Variants in TNR observed in about 807,000 individuals in gnomAD.
TNR encodes tenascin R.
A neutral mutation model predicts 150.4 loss-of-function variants in TNR; 45 were observed. The ratio of observed to expected loss-of-function variants is 0.30; its 90% CI spans 0.24 to 0.38. The LOEUF is 0.38. Among genes scored for constraint, TNR ranks in the 10% least tolerant of loss-of-function variants. The probability of loss-of-function intolerance (pLI) is 1.00; values close to 1 mark genes in which losing one functional copy is unlikely to be tolerated. For missense variants in TNR, 1,544 were observed against 1,759.1 expected, an observed-to-expected ratio of 0.88 and a Z score of 2.19; for synonymous variants, 687 against 678.4, an observed-to-expected ratio of 1.01 and a Z score of -0.20.
chr1:175,660,522 T>G (rs895430142), intron 1 of TNR, among the ~76,000 whole-genome samples: 1 of 152,240 alleles, frequency 6.6e-6, no homozygotes, highest in Non-Finnish European at 1.5e-5. Flanking sequence ...TAAAATGCCC[T>G]GTATAGCTCT....
intron 1 of TNR, among the ~76,000 whole-genome samples, chr1:175,647,514 G>A (rs1382514680): frequency 6.6e-6 from 1 of 151,874 alleles, no homozygotes; most frequent in African/African-American, 2.4e-5. Flanking sequence ...GGGAAGAGGG[G>A]AAGCTGGAGG....
rs184858190 is a variant in TNR, at chr1:175,684,251, C to T, written c.-165+58975G>A. Among the ~76,000 whole-genome samples, 4 of 152,230 alleles carry T rather than the reference C, an allele frequency of 2.6e-5. No individual in the cohort carries two copies. In the East Asian group the frequency reaches 7.7e-4, roughly 29 times the overall value. ...TCGTTCAACAAAATATATTGAGCTT[C>T]GACTGTCTCAGGCCCTGTGTTAGGT... On this transcript the variant is annotated intron_variant, in intron 1 of 22. Transcript: ENST00000367674.
intron 1 of TNR, among the ~76,000 whole-genome samples, chr1:175,660,646 C>G (rs77365050): frequency 1.2e-3 from 187 of 152,186 alleles, no homozygotes; most frequent in Non-Finnish European, 2.0e-3. Context: ...CAAAAAATAC[C>G]CAGAATTATC....
intron 1 of TNR, among the ~76,000 whole-genome samples, chr1:175,638,596 A>T (rs1417227129): frequency 6.6e-6 from 1 of 152,218 alleles, no homozygotes; most frequent in Non-Finnish European, 1.5e-5. Context: ...GGTTGCAGAT[A>T]ACAAGGGCCT....
chr1:175,508,632 A>C (rs1461204257), intron 2 of TNR, among the ~76,000 whole-genome samples: 4 of 152,230 alleles, frequency 2.6e-5, no homozygotes, highest in Non-Finnish European at 5.9e-5. Flanking sequence ...CATGATGAGA[A>C]GAGGCCCTCG....
chr1:175,620,252 C>T (rs955659178), intron 1 of TNR, among the ~76,000 whole-genome samples: 4 of 152,198 alleles, frequency 2.6e-5, no homozygotes, highest in African/African-American at 9.7e-5. Flanking sequence ...TGAGTGTGCA[C>T]TTTCAGCTAG....
At chr1:175,457,926 C>T (rs1273421433) in intron 2 of TNR, among the ~76,000 whole-genome samples, 3 of 152,200 alleles carry the variant, frequency 2.0e-5, no homozygotes, top group Non-Finnish European at 4.4e-5. Flanking sequence ...CTGGCAAACG[C>T]CAGAGTTGTT....
chr1:175,459,209 A>T (rs1325734322), intron 2 of TNR, among the ~76,000 whole-genome samples: 2 of 149,804 alleles, frequency 1.3e-5, no homozygotes, highest in Non-Finnish European at 3.0e-5. Flanking sequence ...CACCATCACC[A>T]CCATTCCCTC....
chr1:175,382,136 T>C (rs1652712603), intron 8 of TNR, among the ~76,000 whole-genome samples: 1 of 152,190 alleles, frequency 6.6e-6, no homozygotes, highest in African/African-American at 2.4e-5. Flanking sequence ...ATCAAAATAA[T>C]TTTGGGTGTT....
chr1:175,613,246 G>GAGAGCAAAA (rs1663653528), intron 1 of TNR, among the ~76,000 whole-genome samples: 4 of 152,242 alleles, frequency 2.6e-5, no homozygotes, highest in Non-Finnish European at 5.9e-5. Flanking sequence ...CTGAGTCTCT[G>GAGAGCAAAA]TAGCTAGGTC....
intron 1 of TNR, among the ~76,000 whole-genome samples, chr1:175,675,071 C>T (rs747286111): frequency 6.6e-6 from 1 of 152,144 alleles, no homozygotes; most frequent in Non-Finnish European, 1.5e-5. Context: ...GAGGTGGGGA[C>T]TCTGACATAT....
At chr1:175,343,415 A>T (rs1042954876) in intron 18 of TNR, among the ~76,000 whole-genome samples, 1 of 152,148 alleles carries the variant, frequency 6.6e-6, no homozygotes, top group African/African-American at 2.4e-5. Flanking sequence ...AGGTAAAGAG[A>T]CACCTGTTCT....
At chr1:175,393,249 T>C (rs1653261522) in intron 6 of TNR, among the ~76,000 whole-genome samples, 1 of 152,210 alleles carries the variant, frequency 6.6e-6, no homozygotes, top group Non-Finnish European at 1.5e-5. Context: ...AAAAAGTTGC[T>C]AAATTAATAG....
At chr1:175,538,384 G>T (rs185690471) in intron 1 of TNR, among the ~76,000 whole-genome samples, 2 of 152,212 alleles carry the variant, frequency 1.3e-5, no homozygotes, top group East Asian at 1.9e-4. Flanking sequence ...CTTACAGTTC[G>T]TTCCCAAATA....
At chr1:175,552,122 GT>G (rs1242595946) in intron 1 of TNR, among the ~76,000 whole-genome samples, 2 of 152,206 alleles carry the variant, frequency 1.3e-5, no homozygotes, top group African/African-American at 4.8e-5. Context: ...TTTTTTATGT[GT>G]GAAAAATCTT....
chr1:175,379,579 C>G lies in TNR; in HGVS notation c.1936G>C (p.Gly646Arg), dbSNP rs137958146. The change falls in exon 9 of 23, where the codon GGT becomes CGT. Residue 646 changes from glycine to arginine, a missense_variant. Around this residue, in one of 2 missense-constraint regions of TNR, gnomAD observed 1,254 missense variants for 1,329.4 expected, o/e 0.94. Transcript: ENST00000367674. ...YHEVLVPRGI[G>R]PTTRATLTDL... ...GTCAGGGTGGCCCTGGTGGTTGGAC[C>G]AATGCCCCTGGGGACCAGTACCTCA... The G allele has an allele frequency of 5.3e-5, 86 of 1,613,698 alleles. No homozygotes were observed. In the African/African-American group the frequency reaches 1.1e-3, roughly 20 times the overall value.
rs750206087 is a variant in TNR at position 175,330,150 on chromosome 1, G to A, written c.3717C>T (p.Ala1239=). The change falls in exon 21 of 23, where the codon GCC becomes GCT. Residue 1239 remains alanine, a synonymous_variant. Transcript: ENST00000367674. The part of the protein sequence containing the change: ...DMRDGQEAAF[A]SYDRFSVEDS... ...CCTCGACAGAGAACCTGTCGTAGGA[G>A]GCGAAGGCGGCCTCTTGGCCATCCC... The A allele has an allele frequency of 6.8e-6, 11 of 1,613,746 alleles. No individual in the cohort carries two copies. Among genetic ancestry groups the A allele is most frequent in the Non-Finnish European group, 7.6e-6 (9 of 1,179,648 alleles).
chr1:175,633,408 A>G (rs10913037), intron 1 of TNR, among the ~76,000 whole-genome samples: 43,312 of 152,000 alleles, frequency 0.28, 7,312 homozygotes, highest in East Asian at 0.51. Context: ...AATAAAGATC[A>G]GAGGATTAGA....
At chr1:175,411,465 T>C (rs1440845405) in intron 2 of TNR, among the ~76,000 whole-genome samples, 3 of 152,012 alleles carry the variant, frequency 2.0e-5, no homozygotes, top group Non-Finnish European at 4.4e-5. Flanking sequence ...ACGACAGAAC[T>C]ATATTCTCTC....
Sources: allele counts gnomAD v4.1 joint callset (sites outside exome capture counted in the v4.1 genomes callset), GRCh38; gene constraint gnomAD v4.1.1; regional missense constraint gnomAD v4.1.1; transcripts MANE v1.5; gene names NCBI Gene and HGNC (gene_info 2026-07-23, HGNC 2026-07-21).